DENND2B: variants seen among roughly 807,000 people sequenced by gnomAD.
DENND2B encodes DENN domain-containing protein 2B.
A neutral mutation model predicts 116.0 loss-of-function variants in DENND2B; 32 were observed. The observed-to-expected ratio is 0.28, with a 90% CI of 0.21 to 0.37. The LOEUF is 0.37. Among genes scored for constraint, DENND2B ranks in the 10% least tolerant of loss-of-function variants. The pLI is 1.00. For missense variants in DENND2B, 1,276 were observed against 1,477.7 expected, an observed-to-expected ratio of 0.86 and a Z score of 2.24; for synonymous variants, 588 against 583.9, an observed-to-expected ratio of 1.01 and a Z score of -0.10.
upstream of DENND2B, among the ~76,000 whole-genome samples, chr11:8,875,511 G>A (rs1454261898): frequency 6.6e-6 from 1 of 150,954 alleles, no homozygotes; most frequent in Non-Finnish European, 1.5e-5. Flanking sequence ...GCTCACTGCA[G>A]CCTCCCACCT....
At chr11:8,700,455 T>C (rs1020031500) in intron 14 of DENND2B, among the ~76,000 whole-genome samples, 5 of 152,208 alleles carry the variant, frequency 3.3e-5, no homozygotes, top group African/African-American at 1.2e-4. Context: ...TCCTTTCTTC[T>C]CCTGGGCTGA....
At chr11:8,757,772 C>T (rs544862132) in intron 1 of DENND2B, among the ~76,000 whole-genome samples, 7 of 152,174 alleles carry the variant, frequency 4.6e-5, no homozygotes, top group Admixed American at 3.9e-4. Context: ...CCAAGTCACA[C>T]GGCTAGAAAG....
At chr11:8,863,525 G>A (rs563563878) in intron 2 of DENND2B, among the ~76,000 whole-genome samples, 3 of 152,090 alleles carry the variant, frequency 2.0e-5, no homozygotes, top group Middle Eastern at 3.4e-3. Context: ...CAGCCACTGC[G>A]CCCGGCCTGC....
At chr11:8,864,236 T>C (rs2063502565) in intron 2 of DENND2B, among the ~76,000 whole-genome samples, 1 of 152,152 alleles carries the variant, frequency 6.6e-6, no homozygotes, top group Non-Finnish European at 1.5e-5. Flanking sequence ...CCAACACTCA[T>C]ATCCAAAACT....
chr11:8,780,927 C>T (rs546615349), intron 1 of DENND2B, among the ~76,000 whole-genome samples: 1 of 152,060 alleles, frequency 6.6e-6, no homozygotes, highest in East Asian at 1.9e-4. Flanking sequence ...GCCAGGGTGG[C>T]TAAGAGGCTA....
chr11:8,848,272 C>T (rs968578654), intron 3 of DENND2B, among the ~76,000 whole-genome samples: 2 of 152,190 alleles, frequency 1.3e-5, no homozygotes, highest in African/African-American at 4.8e-5. Flanking sequence ...ACCCATCACA[C>T]ACTTCACTTT....
chr11:8,897,876 C>T (rs983423441), intron 1 of DENND2B, among the ~76,000 whole-genome samples: 3 of 152,124 alleles, frequency 2.0e-5, no homozygotes, highest in African/African-American at 7.2e-5. Flanking sequence ...ACCTTGAACT[C>T]CTAGGCTCCA....
At chr11:8,874,818 AAGACATTGAGGTGGGAGGATTG>A (rs2063825355), upstream of DENND2B, among the ~76,000 whole-genome samples, 1 of 151,888 alleles carries the variant, frequency 6.6e-6, no homozygotes, top group East Asian at 1.9e-4. Context: ...CCAGCTACTC[AAGACATTGAGGTGGGAGGATTG>A]CTTGAGCCCA....
rs771567131 is a variant in DENND2B at position 8,730,296 on chromosome 11, C to T, written c.994G>A (p.Val332Met). The change falls in exon 3 of 20, where the codon GTG becomes ATG. Residue 332 changes from valine to methionine, a missense_variant. Transcript: ENST00000313726. This position sits in a 1 kb window ranked among gnomAD's most constrained non-coding sequence, Gnocchi z 4.1. Reference protein sequence around the residue: ...SLEEPAGGASVSAGSRAVGVA... With the variant: ...SLEEPAGGASMSAGSRAVGVA... ...CCGACTGCCCGGCTGCCAGCGCTCA[C>T]ACTCGCGCCCCCTGCCGGCTCCTCC... is the stretch of plus-strand genomic sequence containing the variant. 1.2e-6 allele frequency: 2 copies of T among 1,605,204 alleles called. No individual in the cohort carries two copies. The highest frequency in any genetic ancestry group is 2.2e-5 in the South Asian group (2 of 90,498).
chr11:8,869,467 A>G (rs1053887254), intron 2 of DENND2B, among the ~76,000 whole-genome samples: 2 of 152,260 alleles, frequency 1.3e-5, no homozygotes, highest in Non-Finnish European at 2.9e-5. Context: ...CTTTGAGACC[A>G]GCCTGGCCAA....
chr11:8,778,442 C>A (rs2057983581), intron 1 of DENND2B, among the ~76,000 whole-genome samples: 1 of 152,238 alleles, frequency 6.6e-6, no homozygotes, highest in Non-Finnish European at 1.5e-5. Flanking sequence ...CCCCTGACAG[C>A]TCAAATATTC....
intron 1 of DENND2B, among the ~76,000 whole-genome samples, chr11:8,904,628 C>CT (rs2064212723): frequency 6.6e-6 from 1 of 152,084 alleles, no homozygotes; most frequent in Non-Finnish European, 1.5e-5. Flanking sequence ...GTTAGCCTTT[C>CT]TTTATTCACA....
At chr11:8,900,675 T>A (rs2742524) in intron 1 of DENND2B, among the ~76,000 whole-genome samples, 4,924 of 150,994 alleles carry the variant, frequency 0.033, 250 homozygotes, top group African/African-American at 0.11. Context: ...CACTAAAAAA[T>A]TTTTTTAAAG....
chr11:8,836,110 G>A (rs36180552), intron 4 of DENND2B, among the ~76,000 whole-genome samples: 32,379 of 150,848 alleles, frequency 0.21, 3,929 homozygotes, highest in Middle Eastern at 0.4. Flanking sequence ...CACTTTGGGA[G>A]GCCGAGGTTG....
intron 15 of DENND2B, 99 bp downstream of exon 15, chr11:8,699,114 G>T: frequency 1.3e-6 from 2 of 1,512,972 alleles, no homozygotes; most frequent in Non-Finnish European, 1.8e-6. Flanking sequence ...AGGGAGAAAG[G>T]ATAAGAGCCT....
chr11:8,759,272 T>G (rs1442158738), intron 1 of DENND2B, among the ~76,000 whole-genome samples: 1 of 152,224 alleles, frequency 6.6e-6, no homozygotes, highest in South Asian at 2.1e-4. Context: ...GATACTTTTC[T>G]GCAGGCATAA....
At position 8,774,411 on chromosome 11, in the gene DENND2B, G is replaced by C. The variant is rs2057346141; in HGVS notation, c.-25-23686C>G. 6 of 797,298 alleles carry C rather than the reference G, an allele frequency of 7.5e-6. No homozygotes were observed. The South Asian group carries it at 2.3e-4, about 30-fold the overall frequency. The allele number at this position is 797,298 out of a possible 1,614,324, so 49.4% of individuals were successfully genotyped here. On this transcript the variant is annotated intron_variant, in intron 1 of 19. Transcript: ENST00000313726. ...CTTTCCCTTCCTCCATTAGAATCTA[G>C]TGTCACTGCCATTAGCTGAATGACT...
intron 2 of DENND2B, among the ~76,000 whole-genome samples, chr11:8,863,866 C>G (rs995280478): frequency 6.6e-6 from 1 of 152,000 alleles, no homozygotes; most frequent in African/African-American, 2.4e-5. Flanking sequence ...ATTTCCATTC[C>G]CCTGGGACTT....
At chr11:8,862,256 G>A (rs1267502162) in intron 2 of DENND2B, among the ~76,000 whole-genome samples, 1 of 150,304 alleles carries the variant, frequency 6.7e-6, no homozygotes, top group African/African-American at 2.4e-5. Context: ...ATGACCTCAA[G>A]TGATAAGGGT....
Sources: allele counts gnomAD v4.1 joint callset (sites outside exome capture counted in the v4.1 genomes callset), GRCh38; gene constraint gnomAD v4.1.1; non-coding constraint Gnocchi (gnomAD v3.1); transcripts MANE v1.5; gene names NCBI Gene and HGNC (gene_info 2026-07-23, HGNC 2026-07-21).